TCF4: variants seen among roughly 807,000 people sequenced by gnomAD.
TCF4 encodes transcription factor 4.
TCF4 carries 3 observed loss-of-function variants against 82.1 expected under a neutral mutation model. That is an observed-to-expected ratio of 0.04 (90% CI 0.02 to 0.09). The LOEUF (loss-of-function observed/expected upper bound fraction) is 0.09, where lower values mean the gene tolerates loss of function less well. Ranked by LOEUF, TCF4 falls within the 10% of genes least tolerant of loss-of-function variation. The probability of loss-of-function intolerance (pLI) is 1.00; values close to 1 mark genes in which losing one functional copy is unlikely to be tolerated. For synonymous variants in TCF4, 276 were observed against 309.6 expected (o/e 0.89, Z 1.14); for missense variants, 518 against 852.7 (o/e 0.61, Z 4.89).
At chr18:55,405,427 C>A (rs1172621294) in intron 5 of TCF4, among the ~76,000 whole-genome samples, 2 of 152,112 alleles carry the variant, frequency 1.3e-5, no homozygotes, top group Non-Finnish European at 2.9e-5. Context: ...AACTGAACAT[C>A]TAGTGTCCTG....
intron 19 of TCF4, 55 bp downstream of exon 19, chr18:55,228,166 A>G (rs2046869519): frequency 6.2e-7 from 1 of 1,609,016 alleles, no homozygotes; most frequent in Non-Finnish European, 8.5e-7. Context: ...TATGGCTGAT[A>G]CACTGATGAG....
At chr18:55,301,010 C>T (rs1214197376) in intron 8 of TCF4, among the ~76,000 whole-genome samples, 1 of 152,072 alleles carries the variant, frequency 6.6e-6, no homozygotes. Flanking sequence ...GGGAATGACC[C>T]CCCTGGTCCC....
intron 3 of TCF4, among the ~76,000 whole-genome samples, chr18:55,569,359 T>A (rs2097439566): frequency 6.6e-6 from 1 of 152,134 alleles, no homozygotes; most frequent in Middle Eastern, 3.4e-3. Flanking sequence ...CTCAGCAACA[T>A]GGCTGAATAT....
chr18:55,325,472 A>G (rs1169786039), intron 8 of TCF4, among the ~76,000 whole-genome samples: 4 of 152,148 alleles, frequency 2.6e-5, no homozygotes, highest in Admixed American at 2.0e-4. Context: ...TGGTTACTGC[A>G]AAGTGCAAAT....
At chr18:55,232,793 T>C (rs1352959895) in intron 16 of TCF4, 122 bp from the exon 17 acceptor site, 123 of 1,285,004 alleles carry the variant, frequency 9.6e-5, no homozygotes, top group Non-Finnish European at 1.1e-4. Context: ...CACTTTTTTT[T>C]CCCCCTGCTA....
At chr18:55,303,418 G>A (rs189954133) in intron 8 of TCF4, among the ~76,000 whole-genome samples, 45 of 152,188 alleles carry the variant, frequency 3.0e-4, no homozygotes, top group Admixed American at 7.9e-4. Flanking sequence ...TTTTGCCTTC[G>A]TGTCCCTACT....
rs113020393 is a variant in TCF4, at chr18:55,330,430, G to A, written c.549+19929C>T. ...CTTGACCTCGTGATCCGCCTGCCTC[G>A]GCCTCCCAAAGTGCTGGGATTACAA... On this transcript the variant is annotated intron_variant, in intron 8 of 19. Transcript: ENST00000354452. Among the ~76,000 whole-genome samples, 1,223 of 151,876 alleles carry A rather than the reference G, an allele frequency of 8.1e-3. 18 individuals are homozygous for A. The highest frequency in any genetic ancestry group is 0.027 in the African/African-American group (1,117 of 41,394).
chr18:55,585,545 C>T (rs1340942460), intron 2 of TCF4, 193 bp from the exon 3 acceptor site: 3 of 659,768 alleles, frequency 4.5e-6, no homozygotes, highest in Non-Finnish European at 7.6e-6. Context: ...CCCATTATCA[C>T]TCTGTTCTTT....
chr18:55,321,939 A>C (rs1379383041), intron 8 of TCF4: 4 of 1,381,112 alleles, frequency 2.9e-6, no homozygotes, highest in Admixed American at 3.1e-5. Flanking sequence ...AACTTTGCGC[A>C]GCGGAGCTGG....
intron 2 of TCF4, among the ~76,000 whole-genome samples, chr18:55,625,713 T>C (rs2097725917): frequency 6.6e-6 from 1 of 152,244 alleles, no homozygotes; most frequent in African/African-American, 2.4e-5. Flanking sequence ...ATATGAAGTC[T>C]TTTGTTTTGC....
intron 8 of TCF4, among the ~76,000 whole-genome samples, chr18:55,280,727 G>T (rs1208790547): frequency 6.6e-6 from 1 of 151,948 alleles, no homozygotes; most frequent in Non-Finnish European, 1.5e-5. Context: ...AAAAGGAAAA[G>T]AAATTCACCA....
At chr18:55,359,240 C>T (rs2084423540) in intron 6 of TCF4, among the ~76,000 whole-genome samples, 1 of 152,318 alleles carries the variant, frequency 6.6e-6, no homozygotes, top group South Asian at 2.1e-4. Context: ...TTGATCTCCA[C>T]AATGGGGTCA....
In TCF4 at chr18:55,222,930, T is replaced by G. The variant is rs1599238983; in HGVS notation, c.*5105A>C. 2 of 152,674 alleles carry G rather than the reference T, an allele frequency of 1.3e-5. No individual in the cohort carries two copies. The highest frequency in any genetic ancestry group is 2.4e-5 in the African/African-American group (1 of 41,544). 9.5% of individuals were successfully genotyped at this position (152,674 alleles called of 1,614,324 possible). On this transcript the variant is annotated 3_prime_UTR_variant, in exon 20 of 20. Coordinates refer to ENST00000354452, the MANE Select transcript of TCF4 (RefSeq NM_001083962.2). ...AGGCAACCAGAAGTGGTGGGGCGGATGTAGTTTGAGAAAGTATAAATACAG... is the reference window on the plus strand; with the variant it reads ...AGGCAACCAGAAGTGGTGGGGCGGAGGTAGTTTGAGAAAGTATAAATACAG...
At chr18:55,500,329 GGA>G (rs1423441407) in intron 3 of TCF4, among the ~76,000 whole-genome samples, 1 of 152,120 alleles carries the variant, frequency 6.6e-6, no homozygotes, top group African/African-American at 2.4e-5. Context: ...CAAAGAATTA[GGA>G]ATAGCAGGGG....
At chr18:55,458,461 T>C (rs2095809312) in intron 5 of TCF4, among the ~76,000 whole-genome samples, 1 of 152,256 alleles carries the variant, frequency 6.6e-6, no homozygotes, top group Non-Finnish European at 1.5e-5. Flanking sequence ...ATATATGCTA[T>C]GAGTTCAAAC....
intron 6 of TCF4, among the ~76,000 whole-genome samples, chr18:55,374,606 G>T (rs1339240705): frequency 6.6e-6 from 1 of 151,934 alleles, no homozygotes; most frequent in Non-Finnish European, 1.5e-5. Context: ...ATCCAGTTCT[G>T]AAGTACTAGT....
At chr18:55,522,734 C>T (rs145299825) in intron 3 of TCF4, among the ~76,000 whole-genome samples, 2 of 152,190 alleles carry the variant, frequency 1.3e-5, no homozygotes, top group East Asian at 1.9e-4. Context: ...CTACCATAAA[C>T]ACACAGTCAT....
At chr18:55,361,012 A>C (rs1227500645) in intron 6 of TCF4, among the ~76,000 whole-genome samples, 2 of 152,110 alleles carry the variant, frequency 1.3e-5, no homozygotes, top group Non-Finnish European at 2.9e-5. Flanking sequence ...GGCCTGAGCC[A>C]CCACACCTGG....
At chr18:55,466,134 T>C (rs143034874) in intron 3 of TCF4, among the ~76,000 whole-genome samples, 34 of 152,268 alleles carry the variant, frequency 2.2e-4, no homozygotes, top group East Asian at 1.2e-3. Flanking sequence ...GCTAGTGGCA[T>C]TGATCACACA....
Sources: allele counts gnomAD v4.1 joint callset (sites outside exome capture counted in the v4.1 genomes callset), GRCh38; gene constraint gnomAD v4.1.1; transcripts MANE v1.5; gene names NCBI Gene and HGNC (gene_info 2026-07-23, HGNC 2026-07-21).